Variants in SACS observed in about 807,000 individuals in gnomAD.
SACS encodes the protein sacsin.
SACS carries 197 observed loss-of-function variants against 348.0 expected under a neutral mutation model. The ratio of observed to expected loss-of-function variants is 0.57; its 90% CI spans 0.50 to 0.64. The LOEUF (loss-of-function observed/expected upper bound fraction) is 0.64, where lower values mean the gene tolerates loss of function less well. Among genes scored for constraint, SACS ranks in the 30% least tolerant of loss-of-function variants. SACS has a pLI of 0.00. For missense variants in SACS, 4,999 were observed against 5,360.8 expected, an observed-to-expected ratio of 0.93 and a Z score of 2.11; for synonymous variants, 1,985 against 1,910.6, an observed-to-expected ratio of 1.04 and a Z score of -1.02.
intron 9 of SACS, among the ~76,000 whole-genome samples, chr13:23,342,905 G>A (rs1444872485): frequency 6.6e-6 from 1 of 152,160 alleles, no homozygotes; most frequent in Non-Finnish European, 1.5e-5. Context: ...GAAAAATAAT[G>A]GGGATGAGAT....
At chr13:23,358,303 TA>T (rs755213652) in intron 7 of SACS, 31 bp downstream of exon 7, 5 of 1,605,312 alleles carry the variant, frequency 3.1e-6, no homozygotes, top group Non-Finnish European at 3.4e-6. Context: ...TAATATTTTC[TA>T]ATACCAAGAC....
chr13:23,400,623 T>C (rs1247140348), intron 2 of SACS, among the ~76,000 whole-genome samples: 1 of 152,182 alleles, frequency 6.6e-6, no homozygotes, highest in African/African-American at 2.4e-5. Flanking sequence ...GGTTTCACCG[T>C]GTTAGCCAGG....
intron 2 of SACS, among the ~76,000 whole-genome samples, chr13:23,383,217 C>CA (rs1593165784): frequency 6.6e-6 from 1 of 152,190 alleles, no homozygotes; most frequent in East Asian, 1.9e-4. Context: ...CACATCCAAT[C>CA]AGCCACCATG....
intron 2 of SACS, among the ~76,000 whole-genome samples, chr13:23,377,381 G>A (rs1357358147): frequency 6.6e-6 from 1 of 152,106 alleles, no homozygotes; most frequent in South Asian, 2.1e-4. Flanking sequence ...ATGAAAACAT[G>A]GAATGAAAAA....
chr13:23,340,541 G>T lies in SACS; in HGVS notation c.3335C>A (p.Ala1112Asp). ...DVVQVAKKIE[A>D]LQVGACPDQD... ...ATCAGGACAAGCACCGACCTGTAAGGCTTCAATTTTTTTTGCCACTTGCAC... is the reference window on the plus strand; with the variant it reads ...ATCAGGACAAGCACCGACCTGTAAGTCTTCAATTTTTTTTGCCACTTGCAC... Residue 1112 changes from alanine to aspartate, a missense_variant, in exon 10 of 10, where the codon GCC becomes GAC. Ala to Asp is a moderately radical substitution (Grantham distance 126, BLOSUM62 -2). Around this residue, in one of 6 missense-constraint regions of SACS, gnomAD observed 3,156 missense variants for 3,380.1 expected, o/e 0.93. Coordinates refer to ENST00000382292, the MANE Select transcript of SACS (RefSeq NM_014363.6). 6.2e-7 allele frequency: 1 copy of T among 1,612,324 alleles called. No individual in the cohort carries two copies. The highest frequency in any genetic ancestry group is 8.5e-7 in the Non-Finnish European group (1 of 1,179,536).
chr13:23,422,658 G>A (rs1012031931), intron 1 of SACS, among the ~76,000 whole-genome samples: 1 of 92,200 alleles, frequency 1.1e-5, no homozygotes, highest in Admixed American at 1.3e-4. Flanking sequence ...GTGATGTGGT[G>A]TTTCTTTTTT....
intron 2 of SACS, among the ~76,000 whole-genome samples, chr13:23,394,828 C>G (rs768754109): frequency 6.6e-6 from 1 of 152,206 alleles, no homozygotes; most frequent in Non-Finnish European, 1.5e-5. Flanking sequence ...GCACTCCAGA[C>G]TGGGTGACAG....
Position 23,336,013 on chromosome 13 carries a change from C to T in SACS, c.7863G>A (p.Gln2621=). ...TKEGNPYKTG[Q]YGIGFNSVYH... is the part of the protein sequence containing the mutation. ...ACACAGAATTGAATCCTATTCCATA[C>T]TGTCCAGTTTTATAAGGATTTCCCT... The change falls in exon 10 of 10, where the codon CAG becomes CAA. Residue 2621 remains glutamine (Q), a synonymous_variant. Transcript: ENST00000382292. The T allele has an allele frequency of 6.2e-7, 1 of 1,613,010 alleles. No individual in the cohort carries two copies. The highest frequency in any genetic ancestry group is 1.1e-5 in the South Asian group (1 of 91,058).
chr13:23,376,013 G>C (rs1458630263), intron 2 of SACS, among the ~76,000 whole-genome samples: 1 of 152,012 alleles, frequency 6.6e-6, no homozygotes, highest in African/African-American at 2.4e-5. Context: ...GCTGGTTACA[G>C]AACACAAGTG....
At chr13:23,344,501 C>T (rs138840663) in intron 9 of SACS, among the ~76,000 whole-genome samples, 73 of 152,206 alleles carry the variant, frequency 4.8e-4, no homozygotes, top group Middle Eastern at 3.4e-3. Context: ...CACCGGTATA[C>T]GTAAATTAAG....
chr13:23,364,437 C>G (rs1057419097), intron 6 of SACS, among the ~76,000 whole-genome samples: 4 of 152,000 alleles, frequency 2.6e-5, no homozygotes, highest in East Asian at 1.9e-4. Context: ...TCTGCCACCA[C>G]GCCCAGCTAA....
intron 6 of SACS, 25 bp downstream of exon 6, chr13:23,365,141 T>C: frequency 6.8e-7 from 1 of 1,478,368 alleles, no homozygotes; most frequent in Non-Finnish European, 9.4e-7. Flanking sequence ...TACAATAAAA[T>C]TTGTTCCTAA....
At chr13:23,407,255 G>A (rs1276011958) in intron 2 of SACS, among the ~76,000 whole-genome samples, 9 of 152,190 alleles carry the variant, frequency 5.9e-5, no homozygotes, top group African/African-American at 2.2e-4. Context: ...CTGGAGTGCA[G>A]TGGCGCAATC....
At chr13:23,352,163 C>T (rs149535056) in intron 9 of SACS, among the ~76,000 whole-genome samples, 4 of 152,210 alleles carry the variant, frequency 2.6e-5, no homozygotes, top group East Asian at 1.9e-4. Context: ...AACTTTTGGC[C>T]GATTTCCAAA....
chr13:23,386,538 T>C (rs1171161694), intron 2 of SACS, among the ~76,000 whole-genome samples: 1 of 152,260 alleles, frequency 6.6e-6, no homozygotes, highest in Admixed American at 6.5e-5. Context: ...TTTGATCTTC[T>C]ATCCAGACCA....
intron 9 of SACS, among the ~76,000 whole-genome samples, chr13:23,343,940 C>T (rs915809741): frequency 2.0e-5 from 3 of 152,148 alleles, no homozygotes; most frequent in African/African-American, 7.2e-5. Flanking sequence ...AGGAAGGTGT[C>T]AATACCCAAA....
rs920431033 is a variant in SACS at position 23,337,619 on chromosome 13, T to A, written c.6257A>T (p.Asp2086Val). 8 of 1,613,746 alleles carry A rather than the reference T, an allele frequency of 5.0e-6. No individual in the cohort carries two copies. The African/African-American group carries it at 9.3e-5, about 19-fold the overall frequency. Residue 2086 changes from aspartate to valine, a missense_variant, in exon 10 of 10, where the codon GAT (aspartate) becomes GTT (valine). Transcript: ENST00000382292. Reference sequence around the variant, plus strand: ...AACACGAAGAACTCCCGAGAACTCATCAACTTTTTCATTTAGAACAAAGAT... The same window carrying A: ...AACACGAAGAACTCCCGAGAACTCAACAACTTTTTCATTTAGAACAAAGAT... ...LMIFVLNEKV[D>V]EFSGVLRVTP...
intron 9 of SACS, among the ~76,000 whole-genome samples, chr13:23,342,306 T>A (rs1869318896): frequency 6.6e-6 from 1 of 152,246 alleles, no homozygotes; most frequent in East Asian, 1.9e-4. Flanking sequence ...GTTCTGCAAA[T>A]GAAATCAACA....
intron 4 of SACS, among the ~76,000 whole-genome samples, chr13:23,369,537 T>C (rs529885448): frequency 6.6e-6 from 1 of 151,686 alleles, no homozygotes; most frequent in Admixed American, 6.6e-5. Flanking sequence ...CAGACTTCTA[T>C]CCCACCCATT....
Sources: gnomAD v4.1 joint callset for allele counts (sites outside exome capture counted in the v4.1 genomes callset) on GRCh38, gnomAD v4.1.1 for gene constraint, gnomAD v4.1.1 regional missense constraint, MANE v1.5 for transcripts, NCBI Gene and HGNC (gene_info 2026-07-23, HGNC 2026-07-21) for gene names.